The following RGS3 variants were observed in gnomAD, a reference collection of about 807,000 sequenced individuals.
RGS3 encodes regulator of G-protein signalling 3.
A neutral mutation model predicts 132.6 loss-of-function variants in RGS3; 80 were observed. The observed-to-expected ratio is 0.60, with a 90% confidence interval of 0.50 to 0.73. The LOEUF (loss-of-function observed/expected upper bound fraction) is 0.73. Ranked by LOEUF, RGS3 falls within the 30% of genes least tolerant of loss-of-function variation. RGS3 has a pLI of 0.00. For synonymous variants in RGS3, 598 were observed against 620.6 expected (o/e 0.96, Z 0.54); for missense variants, 1,382 against 1,530.8 (o/e 0.90, Z 1.62).
intron 19 of RGS3, among the ~76,000 whole-genome samples, chr9:113,550,278 G>A (rs367672735): frequency 2.6e-5 from 4 of 152,178 alleles, no homozygotes; most frequent in Admixed American, 2.0e-4. Context: ...TGGGAGAATC[G>A]CTTGAACTTG....
intron 5 of RGS3, among the ~76,000 whole-genome samples, 162 bp downstream of exon 3, chr9:113,483,279 C>G (rs1830223350): frequency 6.6e-6 from 1 of 152,192 alleles, no homozygotes; most frequent in South Asian, 2.1e-4. Flanking sequence ...AGTGCTGGGA[C>G]AAACCCATTC....
chr9:113,464,106 A>G (rs1203899844), intron 3 of RGS3, among the ~76,000 whole-genome samples: 4 of 152,254 alleles, frequency 2.6e-5, no homozygotes, highest in South Asian at 2.1e-4. Context: ...ATGAGTGCCA[A>G]CTGCGGTTGG....
chr9:113,472,164 G>A (rs980445454), intron 3 of RGS3, among the ~76,000 whole-genome samples: 3 of 152,126 alleles, frequency 2.0e-5, no homozygotes, highest in East Asian at 1.9e-4. Flanking sequence ...GTACACTGCC[G>A]GCCGGAATGT....
rs1404608984 is a variant in RGS3, at chr9:113,583,372, C to T, written c.2038-78C>T. The T allele has an allele frequency of 2.0e-6, 3 of 1,536,664 alleles. No homozygotes were observed. In the Admixed American group the frequency reaches 6.0e-5, roughly 31 times the overall value. ...CGGGGTTCAGGCCACTGCCTGATTTCATGTCAGCTCATGCATGGTGTCTGG... is the reference window on the plus strand; with the variant it reads ...CGGGGTTCAGGCCACTGCCTGATTTTATGTCAGCTCATGCATGGTGTCTGG... On this transcript the variant is annotated intron_variant, in intron 19 of 24. Coordinates refer to ENST00000350696, the Ensembl canonical transcript of RGS3.
At chr9:113,540,944 A>C (rs542858976) in intron 19 of RGS3, among the ~76,000 whole-genome samples, 1 of 152,232 alleles carries the variant, frequency 6.6e-6, no homozygotes, top group South Asian at 2.1e-4. Context: ...ACTAGCCGCT[A>C]TCGTTCTCAC....
At position 113,506,394 on chromosome 9, in the gene RGS3, C is replaced by T. The variant is rs745563276; in HGVS notation, c.986C>T (p.Pro329Leu). 8 of 1,584,682 alleles carry T rather than the reference C, an allele frequency of 5.0e-6. No homozygotes were observed. Among genetic ancestry groups the T allele is most frequent in the South Asian group, 2.3e-5 (2 of 86,222 alleles). Residue 329 changes from proline to leucine, a missense_variant, in exon 12 of 25, where the codon CCG becomes CTG. Pro to Leu is a moderately conservative substitution (Grantham distance 98, BLOSUM62 -3). Coordinates refer to ENST00000350696, the Ensembl canonical transcript of RGS3. The surrounding 1 kb of genome is among the most constrained non-coding windows in gnomAD (Gnocchi z 4.7). Reference sequence around the variant, plus strand: ...CTTTTCTTTGTCCCTGCAGGGGGTCCGGCGGAACGGGCAGGGCTGCAGCAG... The same window carrying T: ...CTTTTCTTTGTCCCTGCAGGGGGTCTGGCGGAACGGGCAGGGCTGCAGCAG...
At chr9:113,500,881 G>A (rs1348011727) in intron 10 of RGS3, among the ~76,000 whole-genome samples, 1 of 151,962 alleles carries the variant, frequency 6.6e-6, no homozygotes, top group East Asian at 1.9e-4. Context: ...GTAGAGACAA[G>A]GTTTTACCAT....
chr9:113,517,402 C>T (rs1831732718), intron 15 of RGS3, 139 bp from the exon 14 acceptor site: 1 of 725,562 alleles, frequency 1.4e-6, no homozygotes, highest in Non-Finnish European at 2.5e-6. Context: ...TGTGTGGGTT[C>T]TCGGGTCGGT....
intron 7 of RGS3, among the ~76,000 whole-genome samples, chr9:113,490,976 TTAA>T (rs577501306): frequency 0.016 from 2,092 of 132,478 alleles, 22 homozygotes; most frequent in Non-Finnish European, 0.021. Flanking sequence ...TATATATAAC[TTAA>T]TTATTATATA....
intron 19 of RGS3, among the ~76,000 whole-genome samples, chr9:113,545,619 G>T (rs572155824): frequency 1.6e-4 from 24 of 151,976 alleles, no homozygotes; most frequent in African/African-American, 4.8e-4. Flanking sequence ...TCCTGTCTTC[G>T]CCTTCTCTTC....
intron 19 of RGS3, chr9:113,580,957 G>A (rs950118867): frequency 2.6e-4 from 254 of 985,564 alleles, no homozygotes; most frequent in Non-Finnish European, 2.8e-4. Context: ...CAGGCCCTGA[G>A]GGCACCCGGT....
At chr9:113,448,420 T>C (rs1829161686) in intron 1 of RGS3, among the ~76,000 whole-genome samples, 1 of 152,272 alleles carries the variant, frequency 6.6e-6, no homozygotes, top group South Asian at 2.1e-4. Flanking sequence ...CTCTCTTACC[T>C]TCTGACTTTT....
In RGS3 at chr9:113,537,125, G is replaced by A. The variant is rs943524776; in HGVS notation, c.2037+207G>A. ...CTGCTGAGTGGGTCTGACAGTGCTC[G>A]TGTAGAGCGACAGAGCCAAATTAAG... On this transcript the variant is annotated intron_variant, in intron 19 of 24. Transcript: ENST00000350696. This position sits in a 1 kb window ranked among gnomAD's most constrained non-coding sequence, Gnocchi z 4.3. Among the ~76,000 whole-genome samples, 13 of 152,222 alleles carry A rather than the reference G, an allele frequency of 8.5e-5. No homozygotes were observed. The highest frequency in any genetic ancestry group is 7.9e-4 in the Admixed American group (12 of 15,284).
chr9:113,462,023 C>A (rs750840387), exon 3 of RGS3: 1 of 1,613,152 alleles, frequency 6.2e-7, no homozygotes, highest in South Asian at 1.1e-5. Context: ...TCCTGCAGGT[C>A]TGCCACGTCT....
chr9:113,535,616 G>C (rs1376193787), intron 18 of RGS3, among the ~76,000 whole-genome samples: 1 of 152,186 alleles, frequency 6.6e-6, no homozygotes, highest in African/African-American at 2.4e-5. Context: ...CAGGCAGCTT[G>C]GTACTTTCCT....
At chr9:113,500,284 G>A (rs1472048206) in intron 10 of RGS3, among the ~76,000 whole-genome samples, 1 of 152,208 alleles carries the variant, frequency 6.6e-6, no homozygotes, top group African/African-American at 2.4e-5. Context: ...GTGCAGGTGG[G>A]GAGATGGAGG....
At chr9:113,574,669 G>A (rs2118909020) in intron 19 of RGS3, among the ~76,000 whole-genome samples, 1 of 152,346 alleles carries the variant, frequency 6.6e-6, no homozygotes, top group East Asian at 1.9e-4. Flanking sequence ...GGGCATCCGA[G>A]GCAGATTGAA....
At chr9:113,590,991 T>C (rs560601665) in intron 20 of RGS3, among the ~76,000 whole-genome samples, 2 of 152,348 alleles carry the variant, frequency 1.3e-5, no homozygotes, top group South Asian at 2.1e-4. Flanking sequence ...GGGGCAGGGA[T>C]TGGCCTAGTG....
Position 113,580,980 on chromosome 9 carries a change from C to T in RGS3, c.2038-2470C>T, listed in dbSNP as rs1045934177. The T allele has an allele frequency of 2.3e-5, 23 of 985,586 alleles. No homozygotes were observed. The East Asian group carries it at 1.1e-3, about 49-fold the overall frequency. The allele number at this position is 985,586 out of a possible 1,614,324, so 61.1% of individuals were successfully genotyped here. Reference sequence around the variant, plus strand: ...GAGGGCACCCGGTTGCTGCTTCCTTCCGTCTTTCCCCAAGGACTATCAGAG... The same window carrying T: ...GAGGGCACCCGGTTGCTGCTTCCTTTCGTCTTTCCCCAAGGACTATCAGAG... On this transcript the variant is annotated intron_variant, in intron 19 of 24. Transcript: ENST00000350696.
Sources: gnomAD v4.1 joint callset for allele counts (sites outside exome capture counted in the v4.1 genomes callset) on GRCh38, gnomAD v4.1.1 for gene constraint, Gnocchi (gnomAD v3.1) non-coding constraint, MANE v1.5 for transcripts, NCBI Gene and HGNC (gene_info 2026-07-23, HGNC 2026-07-21) for gene names.